The following UBTF variants were observed in gnomAD, a reference collection of about 807,000 sequenced individuals.
UBTF encodes the protein upstream binding transcription factor.
In UBTF, 8 loss-of-function variants were observed where a neutral mutation model predicts 112.3. The ratio of observed to expected loss-of-function variants is 0.07; its 90% CI spans 0.04 to 0.13. The LOEUF is 0.13. Ranked by LOEUF, UBTF falls within the 10% of genes least tolerant of loss-of-function variation. The pLI, the probability that UBTF is intolerant of heterozygous loss-of-function variation, is 1.00. For synonymous variants in UBTF, 417 were observed against 373.1 expected, an observed-to-expected ratio of 1.12 and a Z score of -1.36; for missense variants, 457 against 982.1, an observed-to-expected ratio of 0.47 and a Z score of 7.15.
In UBTF at chr17:44,207,005, A is replaced by G. The variant is rs944550960; in HGVS notation, c.*237T>C. On this transcript the variant is annotated 3_prime_UTR_variant, in exon 21 of 21. Coordinates refer to ENST00000436088, the MANE Select transcript of UBTF (RefSeq NM_014233.4). ...GCTGGTCCGGTGCTGGCTTAGTCTG[A>G]TAGTTGCTGTCCCTGGAGGAGGACC... 1.0e-5 allele frequency: 6 copies of G among 583,860 alleles called. No individual in the cohort carries two copies. The African/African-American group carries it at 1.1e-4, about 11-fold the overall frequency. 36.2% of individuals were successfully genotyped at this position (583,860 alleles called of 1,614,324 possible). A position where few individuals can be genotyped will look rare whatever the true frequency, so the allele number is the denominator to read the frequency against.
chr17:44,205,880 T>C lies in UBTF; in HGVS notation c.*1362A>G, dbSNP rs2056215099. The stretch of plus-strand genomic sequence containing the variant: ...GGTACCAAAAAATACGGGAGATGGC[T>C]GGGAAGAGTTAGAGACAGCTGCAGA... On this transcript the variant is annotated 3_prime_UTR_variant, in exon 21 of 21. Transcript: ENST00000436088. The C allele has an allele frequency of 6.6e-6, 1 of 151,790 alleles. No individual in the cohort carries two copies. Among genetic ancestry groups the C allele is most frequent in the South Asian group, 2.1e-4 (1 of 4,812 alleles). 9.4% of individuals were successfully genotyped at this position (151,790 alleles called of 1,614,324 possible).
chr17:44,211,346 G>A lies in UBTF; in HGVS notation c.1048-15C>T. The A allele has an allele frequency of 6.2e-7, 1 of 1,613,974 alleles. No individual in the cohort carries two copies. Among genetic ancestry groups the A allele is most frequent in the Non-Finnish European group, 8.5e-7 (1 of 1,179,988 alleles). On this transcript the variant is annotated splice_polypyrimidine_tract_variant and intron_variant, in intron 10 of 20. Transcript: ENST00000436088. This position sits in a 1 kb window ranked among gnomAD's most constrained non-coding sequence, Gnocchi z 4.9. The stretch of plus-strand genomic sequence containing the variant: ...TCTTTCTTTTTCTGGGAAAGTGAGT[G>A]GAGTCAGGATCAGTCTGGAGACAGT...
chr17:44,210,764 G>T, intron 13 of UBTF, 28 bp downstream of exon 13: 1 of 1,553,378 alleles, frequency 6.4e-7, no homozygotes, highest in Non-Finnish European at 8.7e-7. Flanking sequence ...CCCCCCTGGG[G>T]GCACAGCGCT....
chr17:44,213,131 G>C (rs2056801614), intron 6 of UBTF, 87 bp downstream of exon 6: 10 of 1,553,344 alleles, frequency 6.4e-6, no homozygotes, highest in Non-Finnish European at 8.8e-6. Flanking sequence ...ATGCCTCAGA[G>C]ATGGCAAACT....
intron 2 of UBTF, among the ~76,000 whole-genome samples, chr17:44,217,488 T>G (rs776408112): frequency 2.6e-5 from 4 of 152,224 alleles, no homozygotes; most frequent in Non-Finnish European, 4.4e-5. Flanking sequence ...CAGAGAGCTC[T>G]AGGCCACTGT....
At chr17:44,213,338 T>C in intron 5 of UBTF, 56 bp from the exon 6 acceptor site, 3 of 1,569,796 alleles carry the variant, frequency 1.9e-6, no homozygotes, top group Non-Finnish European at 2.6e-6. Context: ...CACCCTGAGC[T>C]ATGAAGGCCA....
chr17:44,211,651 C>T lies in UBTF; in HGVS notation c.1002G>A (p.Leu334=). The T allele has an allele frequency of 6.2e-7, 1 of 1,611,516 alleles. No homozygotes were observed. ...AGGCGTCCTTCTCCTTCTGGGACAGCAGCTTCCACTGCTGGCTGCACAGCA... is the reference window on the plus strand; with the variant it reads ...AGGCGTCCTTCTCCTTCTGGGACAGTAGCTTCCACTGCTGGCTGCACAGCA... ...RMVLCSQQWK[L]LSQKEKDAYH... Residue 334 remains leucine, a synonymous_variant, in exon 10 of 21, where the codon CTG becomes CTA. Coordinates refer to ENST00000436088, the MANE Select transcript of UBTF (RefSeq NM_014233.4). The surrounding 1 kb of genome is among the most constrained non-coding windows in gnomAD (Gnocchi z 4.9).
rs200548715 is a variant in UBTF at position 44,207,928 on chromosome 17, C to T, written c.1906-17G>A. On this transcript the variant is annotated splice_polypyrimidine_tract_variant and intron_variant, in intron 17 of 20. Coordinates refer to ENST00000436088, the MANE Select transcript of UBTF (RefSeq NM_014233.4). ...AGACAGGCTCTGGGGGAGACAGAAGCGGCAAGGGTTGGAACATAGCCAACT... is the reference window on the plus strand; with the variant it reads ...AGACAGGCTCTGGGGGAGACAGAAGTGGCAAGGGTTGGAACATAGCCAACT... 36 of 1,613,616 alleles carry T rather than the reference C, an allele frequency of 2.2e-5. No homozygotes were observed. Among genetic ancestry groups the T allele is most frequent in the Admixed American group, 1.3e-4 (8 of 59,980 alleles).
chr17:44,216,783 C>T, intron 2 of UBTF, 79 bp from the exon 3 acceptor site: 2 of 1,429,508 alleles, frequency 1.4e-6, no homozygotes, highest in Non-Finnish European at 9.8e-7. Context: ...GAGTGCTCAA[C>T]TCTTCCTCCC....
intron 1 of UBTF, 23 bp downstream of exon 1, chr17:44,219,422 G>T (rs1409227355): frequency 6.6e-6 from 1 of 151,728 alleles, no homozygotes; most frequent in Non-Finnish European, 1.5e-5. Context: ...ACCCCAGCGC[G>T]CGTCCTCAGC....
Position 44,211,287 on chromosome 17 carries a change from C to T in UBTF, c.1089+3G>A, listed in dbSNP as rs1420902772. 5 of 1,614,136 alleles carry T rather than the reference C, an allele frequency of 3.1e-6. No individual in the cohort carries two copies. Among genetic ancestry groups the T allele is most frequent in the Non-Finnish European group, 4.2e-6 (5 of 1,180,064 alleles). On this transcript the variant is annotated splice_donor_region_variant and intron_variant, in intron 11 of 20. Coordinates refer to ENST00000436088, the MANE Select transcript of UBTF (RefSeq NM_014233.4). The surrounding 1 kb of genome is among the most constrained non-coding windows in gnomAD (Gnocchi z 4.9). ...CCCACTGCCCCACCGGAGGAACACT[C>T]ACCTCGAGGAAACGGAGCAGCTCCA...
chr17:44,213,844 T>C (rs762424676), intron 5 of UBTF, among the ~76,000 whole-genome samples: 3 of 152,158 alleles, frequency 2.0e-5, no homozygotes, highest in Non-Finnish European at 2.9e-5. Flanking sequence ...ACCCTGCATC[T>C]TCCTGCCCAG....
intron 2 of UBTF, 37 bp from the exon 3 acceptor site, chr17:44,216,741 A>C: frequency 6.2e-7 from 1 of 1,606,604 alleles, no homozygotes; most frequent in Non-Finnish European, 8.5e-7. Flanking sequence ...TGCCTGGCTC[A>C]TGCTATCCCC....
intron 13 of UBTF, 37 bp from the exon 14 acceptor site, chr17:44,210,510 C>G (rs1343484110): frequency 3.9e-6 from 6 of 1,530,034 alleles, no homozygotes; most frequent in Non-Finnish European, 4.3e-6. Context: ...TTCCACCCAC[C>G]CCCAGGGGGC....
chr17:44,216,344 T>A, intron 3 of UBTF, 185 bp downstream of exon 3: 1 of 701,462 alleles, frequency 1.4e-6, no homozygotes, highest in Non-Finnish European at 2.4e-6. Flanking sequence ...GAAAGTGGCA[T>A]AACTTTAAGC....
upstream of UBTF, chr17:44,220,795 C>G (rs989999876): frequency 1.3e-5 from 2 of 152,000 alleles, no homozygotes; most frequent in Non-Finnish European, 2.9e-5. Context: ...GCGGGCCGAA[C>G]AGTCGAGCCG....
At chr17:44,216,801 T>C (rs2046865128) in intron 2 of UBTF, 97 bp from the exon 3 acceptor site, 2 of 1,234,128 alleles carry the variant, frequency 1.6e-6, no homozygotes, top group African/African-American at 1.5e-5. Flanking sequence ...CCCTAGGGCA[T>C]CCCAGCCCCT....
chr17:44,207,128 A>T lies in UBTF; in HGVS notation c.*114T>A, dbSNP rs1285308881. On this transcript the variant is annotated 3_prime_UTR_variant, in exon 21 of 21. Coordinates refer to ENST00000436088, the MANE Select transcript of UBTF (RefSeq NM_014233.4). ...TTTTTTTTTTTTTAAAGAAAGAAAG[A>T]AAGTGGGGGAGGCCAGGGGGGCAAG... 8 of 1,139,796 alleles carry T rather than the reference A, an allele frequency of 7.0e-6. No individual in the cohort carries two copies. The highest frequency in any genetic ancestry group is 2.5e-5 in the East Asian group (1 of 39,820). The allele number at this position is 1,139,796 out of a possible 1,614,324, so 70.6% of individuals were successfully genotyped here. A position where few individuals can be genotyped will look rare whatever the true frequency, so the allele number is the denominator to read the frequency against.
At chr17:44,215,628 T>TCCCACCTTAACTCTCCTCCC (rs749638480) in intron 5 of UBTF, 26 bp downstream of exon 5, 2 of 1,611,924 alleles carry the variant, frequency 1.2e-6, no homozygotes, top group Non-Finnish European at 1.7e-6. Flanking sequence ...TCTCCCCTCC[T>TCCCACCTTAACTCTCCTCCC]CCCACCTTAA....
Sources: allele counts gnomAD v4.1 joint callset (sites outside exome capture counted in the v4.1 genomes callset), GRCh38; gene constraint gnomAD v4.1.1; non-coding constraint Gnocchi (gnomAD v3.1); transcripts MANE v1.5; gene names NCBI Gene and HGNC (gene_info 2026-07-23, HGNC 2026-07-21).